BRD4: variants seen among roughly 807,000 people sequenced by gnomAD.
BRD4 encodes the protein bromodomain containing 4, also known as bromodomain-containing protein 4.
A neutral mutation model predicts 142.1 loss-of-function variants in BRD4; 16 were observed. The ratio of observed to expected loss-of-function variants is 0.11; its 90% CI spans 0.08 to 0.17. BRD4 has a LOEUF of 0.17. Among genes scored for constraint, BRD4 ranks in the 10% least tolerant of loss-of-function variants. The probability of loss-of-function intolerance (pLI) is 1.00; values close to 1 mark genes in which losing one functional copy is unlikely to be tolerated. For synonymous variants in BRD4, 833 were observed against 707.5 expected (o/e 1.18, Z -2.82); for missense variants, 1,424 against 1,810.9 (o/e 0.79, Z 3.88).
rs767605554 is a variant in BRD4, at chr19:15,239,780, C to T, written c.3324G>A (p.Val1108=). ...AGTGGATCTTCTCCTCCTTCACCACCACGAGGGGCTGGGGCTGGACCACGG... is the reference window on the plus strand; with the variant it reads ...AGTGGATCTTCTCCTCCTTCACCACTACGAGGGGCTGGGGCTGGACCACGG... ...AASVVQPQPL[V]VVKEEKIHSP... is the part of the protein sequence containing the mutation. The change falls in exon 16 of 20, where the codon GTG becomes GTA. Residue 1108 remains valine (V), a synonymous_variant. Transcript: ENST00000679869. This position sits in a 1 kb window ranked among gnomAD's most constrained non-coding sequence, Gnocchi z 7.4. The T allele has an allele frequency of 5.0e-6, 8 of 1,612,744 alleles. No homozygotes were observed. The highest frequency in any genetic ancestry group is 6.8e-6 in the Non-Finnish European group (8 of 1,179,838).
chr19:15,319,137 A>G (rs1035438060), intron 1 of BRD4, among the ~76,000 whole-genome samples: 3 of 152,138 alleles, frequency 2.0e-5, no homozygotes, highest in African/African-American at 7.2e-5. Context: ...GGAGTTCAAG[A>G]CCAGCCTGGG....
chr19:15,254,078 G>C (rs1599448370), intron 11 of BRD4, 74 bp downstream of exon 11: 1 of 1,289,478 alleles, frequency 7.8e-7, no homozygotes, highest in Non-Finnish European at 1.1e-6. Context: ...TAGCATCCTG[G>C]ACACAGGACC....
At chr19:15,307,885 C>T (rs1487550369) in intron 1 of BRD4, among the ~76,000 whole-genome samples, 3 of 151,920 alleles carry the variant, frequency 2.0e-5, no homozygotes, top group Non-Finnish European at 2.9e-5. Flanking sequence ...GAGGCCCTGG[C>T]GGGCGGATCG....
At chr19:15,328,382 T>C (rs1599536710) in intron 1 of BRD4, among the ~76,000 whole-genome samples, 1 of 152,196 alleles carries the variant, frequency 6.6e-6, no homozygotes, top group Non-Finnish European at 1.5e-5. Context: ...TTGAAAATAC[T>C]TTTGGCAGGT....
rs1434174767 is a variant in BRD4 at position 15,237,864 on chromosome 19, C to A, written c.*513G>T. On this transcript the variant is annotated 3_prime_UTR_variant, in exon 20 of 20. Coordinates refer to ENST00000679869, the MANE Select transcript of BRD4 (RefSeq NM_001379291.1). ...GGGTCTGTTCAAGGCAAAGTCAGTG[C>A]CAGCGAGGGGGTGGGCCGGCCTCGC... The A allele has an allele frequency of 8.4e-6, 2 of 237,536 alleles. No homozygotes were observed. The highest frequency in any genetic ancestry group is 1.7e-5 in the Non-Finnish European group (2 of 121,110). The allele number at this position is 237,536 out of a possible 1,614,324, so 14.7% of individuals were successfully genotyped here. A position where few individuals can be genotyped will look rare whatever the true frequency, so the allele number is the denominator to read the frequency against.
intron 1 of BRD4, among the ~76,000 whole-genome samples, chr19:15,328,067 A>G (rs950252508): frequency 6.6e-6 from 1 of 152,190 alleles, no homozygotes; most frequent in Non-Finnish European, 1.5e-5. Flanking sequence ...GTAGGATTTT[A>G]CAATAATAGT....
chr19:15,259,632 T>C (rs1195924708), intron 7 of BRD4, among the ~76,000 whole-genome samples: 2 of 152,188 alleles, frequency 1.3e-5, no homozygotes, highest in African/African-American at 2.4e-5. Flanking sequence ...AGAACTCTTG[T>C]TGTAGCCTGA....
chr19:15,287,679 G>GT (rs2047750505), intron 1 of BRD4, among the ~76,000 whole-genome samples: 1 of 152,148 alleles, frequency 6.6e-6, no homozygotes, highest in Admixed American at 6.5e-5. Flanking sequence ...GGTACCCAGC[G>GT]TGAGTGAAAC....
chr19:15,253,408 C>T (rs2145561415), intron 11 of BRD4: 1 of 718,134 alleles, frequency 1.4e-6, no homozygotes, highest in Non-Finnish European at 2.3e-6. Flanking sequence ...CTGCCTCCAC[C>T]TCCCACTGAG....
At chr19:15,277,585 C>T (rs2047660954) in intron 1 of BRD4, among the ~76,000 whole-genome samples, 1 of 142,454 alleles carries the variant, frequency 7.0e-6, no homozygotes, top group South Asian at 2.2e-4. Flanking sequence ...AATTTGAGAC[C>T]AGCCTGGCCA....
At chr19:15,325,106 G>A (rs1028772818) in intron 1 of BRD4, among the ~76,000 whole-genome samples, 22 of 152,258 alleles carry the variant, frequency 1.4e-4, no homozygotes, top group Admixed American at 4.6e-4. Context: ...GACGGCAGTA[G>A]CTAACCTTGA....
intron 1 of BRD4, among the ~76,000 whole-genome samples, chr19:15,308,786 C>T (rs1280921037): frequency 2.0e-5 from 3 of 151,696 alleles, no homozygotes; most frequent in Admixed American, 6.6e-5. Context: ...GAGGCCGAGG[C>T]GGGAGGATCA....
intron 1 of BRD4, among the ~76,000 whole-genome samples, chr19:15,274,112 GA>G (rs2047620668): frequency 6.6e-6 from 1 of 152,212 alleles, no homozygotes. Flanking sequence ...GATAGGAGAA[GA>G]CACAGGGACA....
intron 1 of BRD4, among the ~76,000 whole-genome samples, chr19:15,325,412 G>A (rs565395376): frequency 2.0e-5 from 3 of 152,090 alleles, no homozygotes; most frequent in Admixed American, 1.3e-4. Context: ...GACTGGGCTC[G>A]TACTGCCGGG....
At chr19:15,318,570 G>C (rs977644057) in intron 1 of BRD4, among the ~76,000 whole-genome samples, 1 of 152,200 alleles carries the variant, frequency 6.6e-6, no homozygotes, top group Non-Finnish European at 1.5e-5. Context: ...GCAGGTTCCA[G>C]TGCATGCGTA....
chr19:15,281,043 T>C (rs2047699904), intron 1 of BRD4, among the ~76,000 whole-genome samples: 1 of 152,248 alleles, frequency 6.6e-6, no homozygotes, highest in African/African-American at 2.4e-5. Context: ...TTGTGCAATC[T>C]GTGTCAGTGG....
At chr19:15,279,136 C>T (rs917480094) in intron 1 of BRD4, among the ~76,000 whole-genome samples, 6 of 151,348 alleles carry the variant, frequency 4.0e-5, no homozygotes, top group Non-Finnish European at 8.8e-5. Context: ...CCACCGCACC[C>T]GGCTAAGCAT....
In BRD4 at chr19:15,255,379, G is replaced by A; in HGVS notation, c.1965C>T (p.Asp655=). ...GTGTGGACGGCTTCAGGGTCTCAAA[G>A]TCGATTTCAATCTCGTCGGGGTTGG... The part of the protein sequence containing the change: ...KNSNPDEIEI[D]FETLKPSTLR... Residue 655 remains aspartate (D), a synonymous_variant, in exon 10 of 20, where the codon GAC becomes GAT. Transcript: ENST00000679869. 2 of 1,614,096 alleles carry A rather than the reference G, an allele frequency of 1.2e-6. No individual in the cohort carries two copies. Among genetic ancestry groups the A allele is most frequent in the Non-Finnish European group, 1.7e-6 (2 of 1,180,016 alleles).
chr19:15,258,498 G>A (rs1000343492), intron 7 of BRD4, among the ~76,000 whole-genome samples: 2 of 152,168 alleles, frequency 1.3e-5, no homozygotes, highest in Non-Finnish European at 2.9e-5. Context: ...TGGCCAGGCT[G>A]GTCTTAAACT....
Sources: allele counts gnomAD v4.1 joint callset (sites outside exome capture counted in the v4.1 genomes callset), GRCh38; gene constraint gnomAD v4.1.1; non-coding constraint Gnocchi (gnomAD v3.1); transcripts MANE v1.5; gene names NCBI Gene and HGNC (gene_info 2026-07-23, HGNC 2026-07-21).